ANKRD28: variants seen among roughly 807,000 people sequenced by gnomAD.
ANKRD28 encodes the protein serine/threonine-protein phosphatase 6 regulatory ankyrin repeat subunit A.
In ANKRD28, 44 loss-of-function variants were observed where a neutral mutation model predicts 126.5. That is an observed-to-expected ratio of 0.35 (90% confidence interval 0.27 to 0.45). The LOEUF is 0.45. ANKRD28 is among the 20% of genes least tolerant of loss of function. The probability of loss-of-function intolerance (pLI) is 1.00; values close to 1 mark genes in which losing one functional copy is unlikely to be tolerated. For synonymous variants in ANKRD28, 442 were observed against 468.5 expected (o/e 0.94, Z 0.73); for missense variants, 1,110 against 1,316.6 (o/e 0.84, Z 2.43).
intron 4 of ANKRD28, among the ~76,000 whole-genome samples, chr3:15,751,486 T>C (rs952945821): frequency 6.6e-6 from 1 of 152,160 alleles, no homozygotes; most frequent in Non-Finnish European, 1.5e-5. Flanking sequence ...GAAGAATATA[T>C]AGGACAGAAA....
At chr3:15,687,029 C>G (rs577934711) in intron 18 of ANKRD28, among the ~76,000 whole-genome samples, 2 of 151,712 alleles carry the variant, frequency 1.3e-5, no homozygotes, top group South Asian at 4.2e-4. Context: ...CTGCAACTTC[C>G]GCCTCCTGGG....
In ANKRD28 at chr3:15,797,371, G is replaced by A. The variant is rs1016121101; in HGVS notation, c.-850C>T. 1.1e-5 allele frequency: 11 copies of A among 985,188 alleles called. No individual in the cohort carries two copies. The African/African-American group carries it at 1.7e-4, about 16-fold the overall frequency. The allele number at this position is 985,188 out of a possible 1,614,324, so 61.0% of individuals were successfully genotyped here. A position where few individuals can be genotyped will look rare whatever the true frequency, so the allele number is the denominator to read the frequency against. Reference sequence around the variant, plus strand: ...AAACACAGTTAGCTTTATTCCCATCGATAGCATAAGCAAGGCAGAGCGTTC... The same window carrying A: ...AAACACAGTTAGCTTTATTCCCATCAATAGCATAAGCAAGGCAGAGCGTTC... On this transcript the variant is annotated 5_prime_UTR_variant, in exon 1 of 28. An upstream open reading frame in the 5' UTR gains an earlier in-frame stop. Transcript: ENST00000683139.
chr3:15,819,555 A>C (rs184767674), intron 1 of ANKRD28, among the ~76,000 whole-genome samples: 2 of 152,228 alleles, frequency 1.3e-5, no homozygotes, highest in Non-Finnish European at 2.9e-5. Context: ...GGTTGGCTAC[A>C]GTACAGGAAA....
intron 3 of ANKRD28, among the ~76,000 whole-genome samples, chr3:15,753,890 G>A (rs1219380931): frequency 6.6e-6 from 1 of 152,178 alleles, no homozygotes; most frequent in African/African-American, 2.4e-5. Context: ...GTTGCAGTGA[G>A]CCGAGATTGC....
At chr3:15,704,252 G>A (rs532120599) in intron 14 of ANKRD28, among the ~76,000 whole-genome samples, 2 of 152,096 alleles carry the variant, frequency 1.3e-5, no homozygotes, top group Non-Finnish European at 1.5e-5. Context: ...TACCAAGAAC[G>A]CAGGCATCAG....
chr3:15,685,496 A>G (rs370719852), intron 20 of ANKRD28, 51 bp from the exon 21 acceptor site: 3 of 1,560,046 alleles, frequency 1.9e-6, no homozygotes, highest in Admixed American at 1.7e-5. Context: ...TAAACATTAC[A>G]TGCCAATTTC....
intron 4 of ANKRD28, among the ~76,000 whole-genome samples, chr3:15,746,632 C>T (rs1428988030): frequency 2.0e-5 from 3 of 152,072 alleles, no homozygotes; most frequent in Non-Finnish European, 4.4e-5. Flanking sequence ...TTGTTGAGGA[C>T]TTATGCATCT....
intron 18 of ANKRD28, 95 bp from the exon 19 acceptor site, chr3:15,686,404 G>T (rs1237168659): frequency 2.0e-6 from 2 of 1,010,520 alleles, no homozygotes; most frequent in Non-Finnish European, 2.9e-6. Flanking sequence ...TTACTTTTGG[G>T]ATAGTTGCAC....
chr3:15,742,077 C>T lies in ANKRD28; in HGVS notation c.352-4844G>A, dbSNP rs1327588558. ...AGGCTGGAGTGCAGTGGCGTGATCT[C>T]GGCTCGCTACAACCTCCACCTCCCA... On this transcript the variant is annotated intron_variant, in intron 4 of 27. Coordinates refer to ENST00000683139, the MANE Select transcript of ANKRD28 (RefSeq NM_001349278.2). Among the ~76,000 whole-genome samples the T allele has an allele frequency of 1.7e-4, 26 of 152,182 alleles. 1 individual carries two copies. The highest frequency in any genetic ancestry group is 3.2e-4 in the Non-Finnish European group (22 of 68,026).
intron 1 of ANKRD28, among the ~76,000 whole-genome samples, chr3:15,829,694 C>G (rs2121735): frequency 0.81 from 123,863 of 152,030 alleles, 50,599 homozygotes; most frequent in East Asian, 0.93. Flanking sequence ...AAAGCCACCA[C>G]AAAACATCTT....
Position 15,675,596 on chromosome 3 carries a change from GGATCTT to G in ANKRD28, c.2965+296_2965+301del, listed in dbSNP as rs201829366. ...AAATAAGAATATTAGTACTTAACTA[GGATCTT>G]GATACATATTTGCTGAAAGAACAAA... On this transcript the variant is annotated intron_variant, in intron 27 of 27. Transcript: ENST00000683139. Among the ~76,000 whole-genome samples the G allele has an allele frequency of 4.1e-3, 619 of 152,268 alleles. 1 individual carries two copies. Among genetic ancestry groups the G allele is most frequent in the East Asian group, 0.023 (118 of 5,178 alleles).
At chr3:15,753,138 CAGTT>C (rs1027608220) in intron 3 of ANKRD28, among the ~76,000 whole-genome samples, 12 of 151,878 alleles carry the variant, frequency 7.9e-5, no homozygotes, top group African/African-American at 2.2e-4. Context: ...ACAATGCTCA[CAGTT>C]AGGCTATGGA....
chr3:15,729,454 C>T (rs1346833574), intron 6 of ANKRD28, among the ~76,000 whole-genome samples: 5 of 152,152 alleles, frequency 3.3e-5, no homozygotes, highest in East Asian at 1.9e-4. Context: ...GTTTCGTAAA[C>T]GGAATCATTA....
intron 14 of ANKRD28, among the ~76,000 whole-genome samples, chr3:15,697,812 GCTC>G: frequency 6.6e-6 from 1 of 152,292 alleles, no homozygotes. Flanking sequence ...AATGGTACCA[GCTC>G]CTCTTTGTAC....
intron 1 of ANKRD28, among the ~76,000 whole-genome samples, chr3:15,810,227 G>C (rs566184645): frequency 5.9e-5 from 9 of 152,054 alleles, no homozygotes; most frequent in Admixed American, 5.9e-4. Flanking sequence ...TAAACCAGAG[G>C]CCATGTAGGA....
At chr3:15,802,667 C>A (rs2060487167), upstream of ANKRD28, among the ~76,000 whole-genome samples, 1 of 152,062 alleles carries the variant, frequency 6.6e-6, no homozygotes, top group Non-Finnish European at 1.5e-5. Context: ...CCTGGATAAG[C>A]TAAGGACAAT....
chr3:15,770,354 AT>A (rs1356177858), intron 2 of ANKRD28, among the ~76,000 whole-genome samples: 10 of 151,442 alleles, frequency 6.6e-5, no homozygotes, highest in Admixed American at 6.6e-4. Context: ...AAAATCATAA[AT>A]AGTCCACATT....
intron 1 of ANKRD28, 44 bp downstream of exon 1, chr3:15,796,361 T>C: frequency 8.8e-7 from 1 of 1,134,770 alleles, no homozygotes; most frequent in African/African-American, 1.6e-5. Context: ...TTTATACTAC[T>C]AGTTCAGTAG....
chr3:15,764,710 C>T (rs2058660209), intron 3 of ANKRD28, among the ~76,000 whole-genome samples: 1 of 151,986 alleles, frequency 6.6e-6, no homozygotes, highest in Non-Finnish European at 1.5e-5. Context: ...AAACTTGAGT[C>T]CCATTAATTT....
Sources: gnomAD v4.1 joint callset for allele counts (sites outside exome capture counted in the v4.1 genomes callset) on GRCh38, gnomAD v4.1.1 for gene constraint, MANE v1.5 for transcripts, NCBI Gene and HGNC (gene_info 2026-07-23, HGNC 2026-07-21) for gene names.